ROBO2: variants seen among roughly 807,000 people sequenced by gnomAD.
ROBO2 encodes the protein roundabout guidance receptor 2, also known as roundabout homolog 2.
A neutral mutation model predicts 160.8 loss-of-function variants in ROBO2; 53 were observed. The ratio of observed to expected loss-of-function variants is 0.33; its 90% CI spans 0.26 to 0.41. The LOEUF is 0.41. Ranked by LOEUF, ROBO2 falls within the 10% of genes least tolerant of loss-of-function variation. The pLI is 1.00. For synonymous variants in ROBO2, 664 were observed against 611.7 expected, an observed-to-expected ratio of 1.09 and a Z score of -1.26; for missense variants, 1,577 against 1,722.4, an observed-to-expected ratio of 0.92 and a Z score of 1.49.
At chr3:76,898,394 G>T (rs2074972820) in intron 2 of ROBO2, among the ~76,000 whole-genome samples, 1 of 151,918 alleles carries the variant, frequency 6.6e-6, no homozygotes, top group Non-Finnish European at 1.5e-5. Flanking sequence ...CTTTTTAAAA[G>T]ACTTACTCTT....
chr3:75,933,063 G>A (rs1947615122), intron 1 of ROBO2, among the ~76,000 whole-genome samples: 1 of 152,052 alleles, frequency 6.6e-6, no homozygotes, highest in Admixed American at 6.6e-5. Context: ...AATTTACTAA[G>A]GTCAAAAAGA....
intron 2 of ROBO2, among the ~76,000 whole-genome samples, chr3:77,440,170 A>G (rs2079764939): frequency 6.6e-6 from 1 of 152,158 alleles, no homozygotes; most frequent in Non-Finnish European, 1.5e-5. Context: ...GATGACCATT[A>G]CTATTCCCAT....
At chr3:77,032,963 C>A (rs1181272721) in intron 2 of ROBO2, among the ~76,000 whole-genome samples, 4 of 152,116 alleles carry the variant, frequency 2.6e-5, no homozygotes, top group African/African-American at 7.2e-5. Flanking sequence ...TCTTGGGTAA[C>A]AATCAGCATT....
intron 2 of ROBO2, among the ~76,000 whole-genome samples, chr3:76,050,600 C>T (rs2107812746): frequency 6.6e-6 from 1 of 152,226 alleles, no homozygotes; most frequent in East Asian, 1.9e-4. Flanking sequence ...TTATAAATAC[C>T]ACCCACAGGC....
chr3:77,283,526 G>A (rs2060382246), intron 2 of ROBO2, among the ~76,000 whole-genome samples: 1 of 152,074 alleles, frequency 6.6e-6, no homozygotes, highest in South Asian at 2.1e-4. Flanking sequence ...TCTAAAATAA[G>A]AGTATACATA....
intron 2 of ROBO2, among the ~76,000 whole-genome samples, chr3:77,010,260 T>C (rs1180339273): frequency 6.6e-6 from 1 of 152,120 alleles, no homozygotes; most frequent in African/African-American, 2.4e-5. Flanking sequence ...TTGATTCCCC[T>C]CATTCTCTCT....
intron 2 of ROBO2, among the ~76,000 whole-genome samples, chr3:77,465,847 T>C (rs1487581436): frequency 6.6e-6 from 1 of 152,164 alleles, no homozygotes; most frequent in Non-Finnish European, 1.5e-5. Flanking sequence ...TTCAAGCACA[T>C]TGTTCTCCAA....
Position 76,614,243 on chromosome 3 carries a change from T to C in ROBO2, c.110-483771T>C, listed in dbSNP as rs974809528. Among the ~76,000 whole-genome samples, 3 of 152,218 alleles carry C rather than the reference T, an allele frequency of 2.0e-5. No homozygotes were observed. In the East Asian group the frequency reaches 5.8e-4, roughly 29 times the overall value. ...AAATTATAAGCTTTCTCTCCCTTCATGTCATAATGGATCTAAATCCCTGTA... is the reference window on the plus strand; with the variant it reads ...AAATTATAAGCTTTCTCTCCCTTCACGTCATAATGGATCTAAATCCCTGTA... On this transcript the variant is annotated intron_variant, in intron 2 of 26. Transcript: ENST00000487694.
chr3:77,331,854 T>C lies in ROBO2; in HGVS notation c.389-145560T>C, dbSNP rs573263832. 2.6e-5 allele frequency among the ~76,000 whole-genome samples: 4 copies of C among 152,148 alleles called. No individual in the cohort carries two copies. The South Asian group carries it at 8.3e-4, about 32-fold the overall frequency. On this transcript the variant is annotated intron_variant, in intron 2 of 25. Coordinates refer to ENST00000461745, the Ensembl canonical transcript of ROBO2. ...CCGAGTAGCTGGGATTACAGGCACG[T>C]GCCACCACGCCCAGCTAATTTTTGT...
intron 2 of ROBO2, among the ~76,000 whole-genome samples, chr3:76,432,367 G>T (rs1218988307): frequency 6.6e-6 from 1 of 152,114 alleles, no homozygotes; most frequent in Non-Finnish European, 1.5e-5. Context: ...GCAAAACTCA[G>T]TGACTTAAAA....
chr3:77,239,543 C>T (rs747571319), intron 2 of ROBO2, among the ~76,000 whole-genome samples: 4 of 152,328 alleles, frequency 2.6e-5, no homozygotes, highest in Non-Finnish European at 5.9e-5. Flanking sequence ...AGGCAGCCTA[C>T]TTTTATTCCC....
intron 2 of ROBO2, among the ~76,000 whole-genome samples, chr3:77,200,990 C>T (rs2082857749): frequency 6.6e-6 from 1 of 152,162 alleles, no homozygotes; most frequent in African/African-American, 2.4e-5. Flanking sequence ...ATTAAACTTG[C>T]TACCTCTGTC....
intron 2 of ROBO2, among the ~76,000 whole-genome samples, chr3:76,220,744 T>C (rs948015636): frequency 6.6e-6 from 1 of 151,322 alleles, no homozygotes; most frequent in Admixed American, 6.6e-5. Flanking sequence ...ACATATTTGA[T>C]GAAAACACAC....
At chr3:76,939,034 A>C (rs985141011) in intron 2 of ROBO2, among the ~76,000 whole-genome samples, 3 of 151,838 alleles carry the variant, frequency 2.0e-5, no homozygotes, top group Non-Finnish European at 2.9e-5. Flanking sequence ...TCTGAATAGA[A>C]AACAATGTAC....
intron 2 of ROBO2, among the ~76,000 whole-genome samples, chr3:76,484,958 T>A (rs2107407149): frequency 6.6e-6 from 1 of 152,226 alleles, no homozygotes; most frequent in South Asian, 2.1e-4. Flanking sequence ...ATCTGTGCTT[T>A]TCATTCTTTA....
chr3:76,355,923 C>A (rs994040986), intron 2 of ROBO2, among the ~76,000 whole-genome samples: 2 of 151,670 alleles, frequency 1.3e-5, no homozygotes, highest in Non-Finnish European at 3.0e-5. Flanking sequence ...GATTGATTCA[C>A]CCCTTACAGC....
chr3:76,982,868 C>T (rs754786319), intron 2 of ROBO2, among the ~76,000 whole-genome samples: 6 of 152,090 alleles, frequency 3.9e-5, no homozygotes, highest in African/African-American at 1.4e-4. Context: ...GCAATCAGTG[C>T]CCATTAGACT....
At chr3:77,602,336 C>T in exon 20 of ROBO2, 1 of 1,614,132 alleles carries the variant, frequency 6.2e-7, no homozygotes, top group Non-Finnish European at 8.5e-7. Flanking sequence ...ATAACACAGG[C>T]TACCCCATAT....
At chr3:76,814,058 CATATAA>C (rs1354808279) in intron 2 of ROBO2, among the ~76,000 whole-genome samples, 1 of 151,998 alleles carries the variant, frequency 6.6e-6, no homozygotes, top group East Asian at 1.9e-4. Context: ...ATAATCGGAA[CATATAA>C]ATATAAAATG....
Sources: allele counts gnomAD v4.1 joint callset (sites outside exome capture counted in the v4.1 genomes callset), GRCh38; gene constraint gnomAD v4.1.1; transcripts MANE v1.5; gene names NCBI Gene and HGNC (gene_info 2026-07-23, HGNC 2026-07-21).